The following IL22RA2 variants were observed in gnomAD, a reference collection of about 807,000 sequenced individuals.
IL22RA2 encodes interleukin-22 receptor subunit alpha-2.
A neutral mutation model predicts 30.7 loss-of-function variants in IL22RA2; 39 were observed. The observed-to-expected ratio is 1.27, with a 90% CI of 0.98 to 1.66. The LOEUF is 1.66. Ranked by LOEUF, IL22RA2 falls within the 40% of genes most tolerant of loss-of-function variation. The pLI is 0.00. For missense variants in IL22RA2, 315 were observed against 312.7 expected (o/e 1.01, Z -0.05); for synonymous variants, 103 against 105.0 (o/e 0.98, Z 0.11).
At chr6:137,145,923 T>C (rs1769892523) in intron 6 of IL22RA2, 150 bp from the exon 7 acceptor site, 3 of 829,820 alleles carry the variant, frequency 3.6e-6, no homozygotes, top group South Asian at 1.6e-5. Flanking sequence ...TCTAGAGTCC[T>C]AGGCCATAGC....
At position 137,144,730 on chromosome 6, in the gene IL22RA2, C is replaced by A. The variant is rs1778138370; in HGVS notation, c.*894G>T. On this transcript the variant is annotated 3_prime_UTR_variant, in exon 7 of 7. Coordinates refer to ENST00000296980, the MANE Select transcript of IL22RA2 (RefSeq NM_052962.3). ...CCCAATAAACCATCATTCATGGGAT[C>A]CTCCTATATAGAGATGAGGAAGGCG... 2 of 152,188 alleles carry A rather than the reference C, an allele frequency of 1.3e-5. No homozygotes were observed. The highest frequency in any genetic ancestry group is 6.5e-5 in the Admixed American group (1 of 15,272). 9.4% of individuals were successfully genotyped at this position (152,188 alleles called of 1,614,324 possible).
Position 137,145,850 on chromosome 6 carries a change from A to G in IL22RA2, c.643-77T>C, listed in dbSNP as rs899487947. 1.1e-5 allele frequency: 16 copies of G among 1,477,746 alleles called. No homozygotes were observed. The Admixed American group carries it at 1.9e-4, about 17-fold the overall frequency. 91.5% of individuals were successfully genotyped at this position (1,477,746 alleles called of 1,614,324 possible). On this transcript the variant is annotated intron_variant, in intron 6 of 6. Transcript: ENST00000296980. ...CAGCTGCATTTTTGTTTAAATTAAC[A>G]AGTTGTACATGGTCACAGCAGTAGA... is the stretch of plus-strand genomic sequence containing the variant.
intron 5 of IL22RA2, among the ~76,000 whole-genome samples, chr6:137,149,187 C>T (rs1243718458): frequency 1.3e-5 from 2 of 152,118 alleles, no homozygotes; most frequent in Admixed American, 6.5e-5. Context: ...CTCAAAACTG[C>T]CTCTCACTCA....
intron 1 of IL22RA2, among the ~76,000 whole-genome samples, chr6:137,165,848 C>G (rs971556447): frequency 6.6e-5 from 10 of 152,178 alleles, no homozygotes; most frequent in Non-Finnish European, 8.8e-5. Flanking sequence ...TTGGGTGCCC[C>G]ACACGGTTGT....
At chr6:137,165,262 T>A (rs1221204053) in intron 1 of IL22RA2, among the ~76,000 whole-genome samples, 8 of 152,188 alleles carry the variant, frequency 5.3e-5, no homozygotes, top group Non-Finnish European at 1.2e-4. Flanking sequence ...GTGAATTTTA[T>A]GAGAGGCTGT....
intron 3 of IL22RA2, 125 bp downstream of exon 3, chr6:137,158,222 G>C: frequency 8.9e-7 from 1 of 1,127,632 alleles, no homozygotes; most frequent in Non-Finnish European, 1.3e-6. Context: ...CTGTTATCCT[G>C]ACCTTGGCTT....
intron 5 of IL22RA2, 102 bp downstream of exon 5, chr6:137,154,839 G>A (rs1778364899): frequency 6.6e-6 from 6 of 903,470 alleles, no homozygotes; most frequent in East Asian, 2.4e-5. Flanking sequence ...AGATAATGAT[G>A]TAGAGACCTC....
At chr6:137,164,962 A>C (rs754813145) in intron 1 of IL22RA2, among the ~76,000 whole-genome samples, 4 of 149,248 alleles carry the variant, frequency 2.7e-5, no homozygotes, top group Non-Finnish European at 5.9e-5. Flanking sequence ...GTTGATTGTA[A>C]ACATTTTTTT....
At chr6:137,172,442 A>T (rs1778758513) in intron 1 of IL22RA2, among the ~76,000 whole-genome samples, 1 of 152,274 alleles carries the variant, frequency 6.6e-6, no homozygotes, top group Non-Finnish European at 1.5e-5. Flanking sequence ...AAAAGCCAAC[A>T]CTGTCAACAA....
intron 6 of IL22RA2, among the ~76,000 whole-genome samples, chr6:137,146,169 T>C (rs1172543196): frequency 6.6e-6 from 1 of 152,122 alleles, no homozygotes; most frequent in Non-Finnish European, 1.5e-5. Context: ...GTAGCTGGGA[T>C]TGCAGACGCA....
chr6:137,147,658 C>G (rs1307060207), intron 6 of IL22RA2, 64 bp downstream of exon 6: 13 of 1,298,696 alleles, frequency 1.0e-5, no homozygotes, highest in Middle Eastern at 5.6e-4. Context: ...TCTCATATGA[C>G]CACAATATTG....
intron 1 of IL22RA2, among the ~76,000 whole-genome samples, chr6:137,162,066 AG>A (rs891922136): frequency 1.1e-4 from 16 of 152,196 alleles, no homozygotes; most frequent in African/African-American, 3.9e-4. Context: ...TCTGAAGGGC[AG>A]GGCAGTGCAG....
chr6:137,167,159 C>T (rs1275248516), intron 1 of IL22RA2, among the ~76,000 whole-genome samples: 3 of 152,162 alleles, frequency 2.0e-5, no homozygotes, highest in Non-Finnish European at 2.9e-5. Flanking sequence ...AGAAATAGTA[C>T]AACAGCTAAC....
At chr6:137,169,105 A>G (rs1582612896) in intron 1 of IL22RA2, among the ~76,000 whole-genome samples, 1 of 152,362 alleles carries the variant, frequency 6.6e-6, no homozygotes, top group East Asian at 1.9e-4. Context: ...ACAAAATTCA[A>G]TGCAAATCCA....
intron 1 of IL22RA2, among the ~76,000 whole-genome samples, chr6:137,166,620 A>G (rs1053486845): frequency 2.0e-5 from 3 of 152,158 alleles, no homozygotes; most frequent in African/African-American, 4.8e-5. Context: ...AGAACCCCCT[A>G]ACTACTCCTC....
At chr6:137,151,521 C>G (rs1196022665) in intron 5 of IL22RA2, among the ~76,000 whole-genome samples, 1 of 152,010 alleles carries the variant, frequency 6.6e-6, no homozygotes, top group African/African-American at 2.4e-5. Flanking sequence ...AGATATGACA[C>G]CAAAAGCACA....
intron 2 of IL22RA2, among the ~76,000 whole-genome samples, chr6:137,161,202 T>G (rs1177160238): frequency 6.6e-6 from 1 of 152,236 alleles, no homozygotes; most frequent in Non-Finnish European, 1.5e-5. Flanking sequence ...ATCCCCATTC[T>G]ACTAATGAGG....
In IL22RA2 at chr6:137,161,427, A is replaced by G. The variant is rs573153298; in HGVS notation, c.61+262T>C. Among the ~76,000 whole-genome samples the G allele has an allele frequency of 5.5e-4, 83 of 152,190 alleles. 1 individual carries two copies. Among genetic ancestry groups the G allele is most frequent in the African/African-American group, 1.9e-3 (78 of 41,520 alleles). On this transcript the variant is annotated intron_variant, in intron 2 of 6. Coordinates refer to ENST00000296980, the MANE Select transcript of IL22RA2 (RefSeq NM_052962.3). ...GGGAGGGAGGGAAGGAGAGAGAGAG[A>G]GAGAAATGGATGTACATTTGTTCTG...
intron 1 of IL22RA2, among the ~76,000 whole-genome samples, chr6:137,164,297 G>A (rs186344864): frequency 2.0e-5 from 3 of 152,290 alleles, no homozygotes; most frequent in Admixed American, 2.0e-4. Flanking sequence ...TGTTTCGGGT[G>A]GTCACCAGGC....
Sources: gnomAD v4.1 joint callset for allele counts (sites outside exome capture counted in the v4.1 genomes callset) on GRCh38, gnomAD v4.1.1 for gene constraint, MANE v1.5 for transcripts, NCBI Gene and HGNC (gene_info 2026-07-23, HGNC 2026-07-21) for gene names.